MORC4: variants seen among roughly 807,000 people sequenced by gnomAD.
The protein encoded by MORC4 is MORC family CW-type zinc finger protein 4.
MORC4 carries 22 observed loss-of-function variants against 65.5 expected under a neutral mutation model. That is an observed-to-expected ratio of 0.34 (90% CI 0.24 to 0.48). MORC4 has a LOEUF of 0.48. MORC4 is among the 20% of genes least tolerant of loss of function. The pLI, the probability that MORC4 is intolerant of heterozygous loss-of-function variation, is 0.99. For missense variants in MORC4, 624 were observed against 703.0 expected, an observed-to-expected ratio of 0.89 and a Z score of 1.27; for synonymous variants, 267 against 255.8, an observed-to-expected ratio of 1.04 and a Z score of -0.42.
intron 12 of MORC4, 40 bp downstream of exon 12, chrX:106,956,896 C>A (rs1934119582): frequency 1.9e-6 from 2 of 1,053,629 alleles, no homozygotes; most frequent in Non-Finnish European, 2.6e-6. Context: ...TCAGGCTACT[C>A]TACCCTATGG....
At position 106,941,404 on chromosome X, in the gene MORC4, G is replaced by GAGAGAGAGAA. The variant is rs1933672549; in HGVS notation, c.*74_*75insTTCTCTCTCT. 1 of 756,847 alleles carries GAGAGAGAGAA rather than the reference G, an allele frequency of 1.3e-6. No homozygotes were observed. Among genetic ancestry groups the GAGAGAGAGAA allele is most frequent in the Non-Finnish European group, 1.9e-6 (1 of 536,311 alleles). 62.4% of individuals were successfully genotyped at this position (756,847 alleles called of 1,213,427 possible). On this transcript the variant is annotated 3_prime_UTR_variant, in exon 17 of 17. Coordinates refer to ENST00000355610, the MANE Select transcript of MORC4 (RefSeq NM_024657.5). ...AGAGAGAGAGAGAGAGAGAGAGAGA[G>GAGAGAGAGAA]AGAGAGACGTGAGGGAGGGAGAGAA... is the stretch of plus-strand genomic sequence containing the variant.
intron 3 of MORC4, 141 bp downstream of exon 3, chrX:106,993,089 C>T (rs750239204): frequency 4.9e-6 from 3 of 618,266 alleles, no homozygotes; most frequent in African/African-American, 2.3e-5. Context: ...TGTTTCATAA[C>T]CAGTGCCCTG....
chrX:106,960,280 C>T (rs998490151), intron 10 of MORC4, among the ~76,000 whole-genome samples: 2 of 112,526 alleles, frequency 1.8e-5, no homozygotes, highest in African/African-American at 6.5e-5. Context: ...GGCAGCAACC[C>T]TCTGTTTCGG....
Position 106,999,727 on chromosome X carries a change from C to T in MORC4, c.125G>A (p.Ser42Asn). The change falls in exon 2 of 17, where the codon AGC (serine) becomes AAC (asparagine). Residue 42 changes from serine (S) to asparagine (N), a missense_variant. Coordinates refer to ENST00000355610, the MANE Select transcript of MORC4 (RefSeq NM_024657.5). ...GGGTCGCGTGTGGCTGCTGGAGTTG[C>T]TCTGGAGGTAGCGGGGGCTCATCTG... ...LSTMSPRYLQSNSSSHTRPFS... is the reference protein window; with the variant it reads ...LSTMSPRYLQNNSSSHTRPFS... 3 of 1,123,040 alleles carry T rather than the reference C, an allele frequency of 2.7e-6. No homozygotes were observed. Among genetic ancestry groups the T allele is most frequent in the Non-Finnish European group, 3.5e-6 (3 of 853,766 alleles). 92.6% of individuals were successfully genotyped at this position (1,123,040 alleles called of 1,213,427 possible). A position where few individuals can be genotyped will look rare whatever the true frequency, so the allele number is the denominator to read the frequency against.
At chrX:106,996,673 C>G (rs7056757) in intron 2 of MORC4, among the ~76,000 whole-genome samples, 2,086 of 111,723 alleles carry the variant, frequency 0.019, 52 homozygotes, top group African/African-American at 0.064. Context: ...TCTCTCCCTG[C>G]CCACCACTTA....
At position 106,941,394 on chromosome X, in the gene MORC4, G is replaced by GAA. The variant is rs1933671518; in HGVS notation, c.*84_*85insTT. 1.3e-6 allele frequency: 1 copy of GAA among 748,379 alleles called. No individual in the cohort carries two copies. The highest frequency in any genetic ancestry group is 1.9e-6 in the Non-Finnish European group (1 of 518,866). The allele number at this position is 748,379 out of a possible 1,213,427, so 61.7% of individuals were successfully genotyped here. ...GGTGAGAGAGAGAGAGAGAGAGAGA[G>GAA]AGAGAGAGAGAGAGAGACGTGAGGG... is the stretch of plus-strand genomic sequence containing the variant. On this transcript the variant is annotated 3_prime_UTR_variant, in exon 17 of 17. Transcript: ENST00000355610.
chrX:106,941,680 TA>T (rs780986150), intron 16 of MORC4, 48 bp from the exon 17 acceptor site: 3 of 1,136,538 alleles, frequency 2.6e-6, no homozygotes, highest in Non-Finnish European at 3.6e-6. Flanking sequence ...ATGAAGTCAT[TA>T]ACCAACAGAA....
At chrX:106,956,715 C>CAGAG (rs368706300) in intron 12 of MORC4, among the ~76,000 whole-genome samples, 181 bp from the exon 13 acceptor site, 11 of 108,090 alleles carry the variant, frequency 1.0e-4, no homozygotes, top group Admixed American at 5.9e-4. Flanking sequence ...AGTGCCCCAC[C>CAGAG]AGAGAGAGAG....
chrX:106,977,913 G>C (rs1327906476), intron 8 of MORC4, among the ~76,000 whole-genome samples, 167 bp downstream of exon 8: 1 of 111,413 alleles, frequency 9.0e-6, no homozygotes, highest in Non-Finnish European at 1.9e-5. Flanking sequence ...GTTAGAAAGA[G>C]ATTTCAACAC....
Position 106,986,168 on chromosome X carries a change from CTCT to C in MORC4, c.338_340del (p.Lys113del), listed in dbSNP as rs1934866775. On this transcript the variant is annotated inframe_deletion, in exon 4 of 17. Transcript: ENST00000355610. ...ACCAAAGACCCCAATGGGACACTGG[CTCT>C]TCTTTATTACTTTATCTGTAAAGCC... 8.3e-7 allele frequency: 1 copy of C among 1,205,401 alleles called. No individual in the cohort carries two copies. The highest frequency in any genetic ancestry group is 1.1e-6 in the Non-Finnish European group (1 of 893,039).
intron 7 of MORC4, 97 bp downstream of exon 7, chrX:106,980,794 T>C (rs1934723755): frequency 1.2e-6 from 1 of 837,517 alleles, no homozygotes; most frequent in Non-Finnish European, 1.7e-6. Context: ...CACTTTTTAA[T>C]TTGAAAGGGA....
intron 4 of MORC4, 133 bp downstream of exon 4, chrX:106,985,850 C>A: frequency 2.0e-6 from 1 of 497,517 alleles, no homozygotes; most frequent in South Asian, 3.5e-5. Flanking sequence ...AGAAAAATCC[C>A]AGTTAAATTT....
At chrX:106,974,686 T>C (rs766296864) in intron 9 of MORC4, among the ~76,000 whole-genome samples, 1 of 111,838 alleles carries the variant, frequency 8.9e-6, no homozygotes, top group Non-Finnish European at 1.9e-5. Flanking sequence ...TTACAGATGA[T>C]TTATTTGTAG....
chrX:106,987,766 C>T (rs1291463627), intron 3 of MORC4, among the ~76,000 whole-genome samples: 1 of 110,333 alleles, frequency 9.1e-6, no homozygotes, highest in Non-Finnish European at 1.9e-5. Context: ...ACAATAATAC[C>T]ATATGTCCTC....
At chrX:106,956,008 C>T (rs1934097717) in intron 13 of MORC4, among the ~76,000 whole-genome samples, 1 of 111,364 alleles carries the variant, frequency 9.0e-6, no homozygotes, top group Admixed American at 9.5e-5. Context: ...AGAGACAGTG[C>T]TCCTGAAAAT....
At chrX:106,948,748 C>T (rs1456882195) in intron 14 of MORC4, among the ~76,000 whole-genome samples, 2 of 111,643 alleles carry the variant, frequency 1.8e-5, no homozygotes, top group East Asian at 2.8e-4. Flanking sequence ...CCTTTGAATA[C>T]GTCATCACGC....
intron 15 of MORC4, 40 bp from the exon 16 acceptor site, chrX:106,942,261 G>A (rs1439876810): frequency 3.4e-6 from 4 of 1,170,007 alleles, no homozygotes; most frequent in Admixed American, 2.4e-5. Context: ...CCCCACAAAA[G>A]AGCACGCCAA....
chrX:106,990,044 C>G (rs1934949362), intron 3 of MORC4, among the ~76,000 whole-genome samples: 1 of 104,679 alleles, frequency 9.6e-6, no homozygotes, highest in Non-Finnish European at 2.0e-5. Context: ...CAAAAATTAG[C>G]TGGGTATGGT....
rs189199473 is a variant in MORC4 at position 106,977,995 on chromosome X, T to C, written c.1056+85A>G. 4.0e-4 allele frequency: 405 copies of C among 1,023,319 alleles called. 3 individuals are homozygous for C. The African/African-American group carries it at 7.1e-3, about 18-fold the overall frequency. 84.3% of individuals were successfully genotyped at this position (1,023,319 alleles called of 1,213,427 possible). A position where few individuals can be genotyped will look rare whatever the true frequency, so the allele number is the denominator to read the frequency against. ...CATCATAAGATGGGAGTAAAAGCCA[T>C]TAATGAGCCTATCCCCTTTGCAAAT... On this transcript the variant is annotated intron_variant, in intron 8 of 16. Transcript: ENST00000355610.
Sources: gnomAD v4.1 joint callset for allele counts (sites outside exome capture counted in the v4.1 genomes callset) on GRCh38, gnomAD v4.1.1 for gene constraint, MANE v1.5 for transcripts, NCBI Gene and HGNC (gene_info 2026-07-23, HGNC 2026-07-21) for gene names.